Variants in P2RX5 observed in about 807,000 individuals in gnomAD.
P2RX5 encodes the protein P2X purinoceptor 5.
In P2RX5, 46 loss-of-function variants were observed where a neutral mutation model predicts 54.1. The observed-to-expected ratio is 0.85, with a 90% CI of 0.67 to 1.09. The LOEUF (loss-of-function observed/expected upper bound fraction) is 1.09. Ranked by LOEUF, P2RX5 falls within the 50% of genes least tolerant of loss-of-function variation. The pLI is 0.00. For synonymous variants in P2RX5, 226 were observed against 226.4 expected, an observed-to-expected ratio of 1.00 and a Z score of 0.02; for missense variants, 566 against 549.8, an observed-to-expected ratio of 1.03 and a Z score of -0.29.
At chr17:3,715,182 C>T in the P2RX5 span, among the ~76,000 whole-genome samples, 80,276 of 152,006 alleles carry the variant, frequency 0.53, 22,059 homozygotes, top group African/African-American at 0.64. Context: ...TCCCGAGCAG[C>T]TGAACCTTTT....
the P2RX5 span, among the ~76,000 whole-genome samples, chr17:3,708,436 G>T: frequency 7.4e-6 from 1 of 135,560 alleles, no homozygotes; most frequent in South Asian, 2.3e-4. Flanking sequence ...AACTGGACAA[G>T]AAAGAAAAAG....
At chr17:3,685,657 T>TCCCCCCCCCCCTCCCG (rs543421315) in intron 9 of P2RX5, 1 of 75,844 alleles carries the variant, frequency 1.3e-5, no homozygotes, top group Non-Finnish European at 2.9e-5. Flanking sequence ...AGCGTCCCCC[T>TCCCCCCCCCCCTCCCG]CCCAGCCTGA....
At chr17:3,674,268 G>C (rs748930390) in intron 11 of P2RX5, among the ~76,000 whole-genome samples, 2 of 151,100 alleles carry the variant, frequency 1.3e-5, no homozygotes, top group African/African-American at 4.9e-5. Flanking sequence ...CCGAGATCGC[G>C]CCACGGCACT....
chr17:3,711,701 A>T, the P2RX5 span, among the ~76,000 whole-genome samples: 9 of 136,598 alleles, frequency 6.6e-5, no homozygotes, highest in Non-Finnish European at 1.1e-4. Context: ...TTATTTATTT[A>T]TTTATTTTTT....
In P2RX5 at chr17:3,690,431, G is replaced by A. The variant is rs2050579647; in HGVS notation, c.529C>T (p.Pro177Ser). ...CCTGAGGCTGCAGCCACTCACTCCG[G>A]CCTGGAGCTTGTCTCCAACGGGCAC... ...AWCPLETSSRPEEPFLKEAED... is the reference protein window; with the variant it reads ...AWCPLETSSRSEEPFLKEAED... The change falls in exon 5 of 12, where the codon CCG becomes TCG. Residue 177 changes from proline (P) to serine (S), a missense_variant. Coordinates refer to ENST00000225328, the MANE Select transcript of P2RX5 (RefSeq NM_002561.4). 6.2e-7 allele frequency: 1 copy of A among 1,608,802 alleles called. No individual in the cohort carries two copies. Among genetic ancestry groups the A allele is most frequent in the Admixed American group, 1.7e-5 (1 of 59,632 alleles).
chr17:3,690,459 G>A lies in P2RX5; in HGVS notation c.501C>T (p.Ala167=). 1 of 1,612,926 alleles carries A rather than the reference G, an allele frequency of 6.2e-7. No individual in the cohort carries two copies. Among genetic ancestry groups the A allele is most frequent in the East Asian group, 2.2e-5 (1 of 44,844 alleles). Residue 167 remains alanine (A), a synonymous_variant, in exon 5 of 12, where the codon GCC becomes GCT. Transcript: ENST00000225328. ...TGGAGCTTGTCTCCAACGGGCACCA[G>A]GCAAAGATCTCACAGGTGCCCCTGG... ...NLARGTCEIF[A]WCPLETSSRP...
the P2RX5 span, among the ~76,000 whole-genome samples, chr17:3,708,747 A>T: frequency 1.3e-5 from 2 of 152,154 alleles, no homozygotes; most frequent in Non-Finnish European, 2.9e-5. Context: ...TGTTAGCCCA[A>T]GATGATACCC....
upstream of P2RX5, among the ~76,000 whole-genome samples, chr17:3,698,856 C>A (rs1211279988): frequency 2.6e-5 from 4 of 152,074 alleles, no homozygotes; most frequent in African/African-American, 9.7e-5. Flanking sequence ...GCTTCAGAGA[C>A]TAGATCCAGA....
At chr17:3,707,982 C>T in the P2RX5 span, among the ~76,000 whole-genome samples, 69,760 of 148,748 alleles carry the variant, frequency 0.47, 17,199 homozygotes, top group East Asian at 0.65. Context: ...GGCGTGAACC[C>T]GGGATGCGGA....
the P2RX5 span, among the ~76,000 whole-genome samples, chr17:3,712,955 A>G: frequency 6.6e-6 from 1 of 152,180 alleles, no homozygotes; most frequent in Non-Finnish European, 1.5e-5. Flanking sequence ...AAAAAACAAA[A>G]CCACAGTTCA....
At chr17:3,697,803 C>T (rs2050786905), upstream of P2RX5, among the ~76,000 whole-genome samples, 2 of 152,124 alleles carry the variant, frequency 1.3e-5, no homozygotes, top group African/African-American at 2.4e-5. Flanking sequence ...TTATTATTGC[C>T]CACCCAAAGT....
chr17:3,688,440 C>G (rs1053585559), intron 8 of P2RX5, among the ~76,000 whole-genome samples, 186 bp downstream of exon 8: 1 of 152,182 alleles, frequency 6.6e-6, no homozygotes, highest in African/African-American at 2.4e-5. Flanking sequence ...TCTCCTCTCC[C>G]AGAGGCACCC....
the P2RX5 span, among the ~76,000 whole-genome samples, chr17:3,708,071 A>C: frequency 6.6e-6 from 1 of 151,362 alleles, no homozygotes; most frequent in Non-Finnish European, 1.5e-5. Context: ...AAAAAAAAAA[A>C]AAAAAAAAAC....
rs1376225057 is a variant in P2RX5, at chr17:3,673,410, G to T, written c.*458C>A. 17 of 1,067,764 alleles carry T rather than the reference G, an allele frequency of 1.6e-5. No homozygotes were observed. Among genetic ancestry groups the T allele is most frequent in the Non-Finnish European group, 1.9e-5 (17 of 879,030 alleles). The allele number at this position is 1,067,764 out of a possible 1,614,324, so 66.1% of individuals were successfully genotyped here. A position where few individuals can be genotyped will look rare whatever the true frequency, so the allele number is the denominator to read the frequency against. The stretch of plus-strand genomic sequence containing the variant: ...AGAGAGTACTTGGATCCACTGGAGA[G>T]TATGCTCTGAGGGAAGCTGCGGCAC... On this transcript the variant is annotated 3_prime_UTR_variant, in exon 12 of 12. Coordinates refer to ENST00000225328, the MANE Select transcript of P2RX5 (RefSeq NM_002561.4).
the P2RX5 span, among the ~76,000 whole-genome samples, chr17:3,703,641 A>T: frequency 2.6e-5 from 4 of 152,172 alleles, no homozygotes; most frequent in Non-Finnish European, 5.9e-5. Flanking sequence ...AGCAGCTTGG[A>T]GGTGTCCCTT....
chr17:3,676,172 T>G (rs1294300570), intron 11 of P2RX5: 1 of 985,314 alleles, frequency 1.0e-6, no homozygotes, highest in Non-Finnish European at 1.2e-6. Context: ...AGCTCCAGGT[T>G]TCTCACCTTG....
upstream of P2RX5, among the ~76,000 whole-genome samples, chr17:3,699,883 A>G (rs2050804768): frequency 1.9e-5 from 1 of 53,860 alleles, no homozygotes; most frequent in Non-Finnish European, 4.0e-5. Flanking sequence ...GAAAGGAAGG[A>G]AGGAAGGAAG....
chr17:3,715,718 G>A, the P2RX5 span, among the ~76,000 whole-genome samples: 2 of 152,048 alleles, frequency 1.3e-5, no homozygotes, highest in African/African-American at 4.8e-5. Flanking sequence ...TTAGCTGGGT[G>A]TGGTGGCATG....
chr17:3,722,204 G>A, the P2RX5 span, among the ~76,000 whole-genome samples: 5 of 151,164 alleles, frequency 3.3e-5, no homozygotes, highest in African/African-American at 7.3e-5. Flanking sequence ...CACCTAGGTC[G>A]GGTGCGGTGG....
Sources: gnomAD v4.1 joint callset for allele counts (sites outside exome capture counted in the v4.1 genomes callset) on GRCh38, gnomAD v4.1.1 for gene constraint, MANE v1.5 for transcripts, NCBI Gene and HGNC (gene_info 2026-07-23, HGNC 2026-07-21) for gene names.